SLC14A2: variants seen among roughly 807,000 people sequenced by gnomAD.
SLC14A2 encodes the protein urea transporter 2.
Under a neutral mutation model 104.6 loss-of-function variants are expected in SLC14A2, and 91 were observed. The observed-to-expected ratio is 0.87, with a 90% CI of 0.73 to 1.04. The LOEUF is 1.04. Among genes scored for constraint, SLC14A2 ranks in the 50% least tolerant of loss-of-function variants. The pLI is 0.00. For missense variants in SLC14A2, 1,189 were observed against 1,156.0 expected (o/e 1.03, Z -0.41); for synonymous variants, 476 against 466.4 (o/e 1.02, Z -0.27).
chr18:45,234,709 G>A lies in SLC14A2; in HGVS notation c.-125+21518G>A, dbSNP rs574382293. ...GTCCTTAATCTTCTGTGGGGAACCC[G>A]TTTTAATTCTCTACTGCCTTGTTGG... On this transcript the variant is annotated intron_variant, in intron 1 of 20. Transcript: ENST00000586448. Among the ~76,000 whole-genome samples the A allele has an allele frequency of 1.1e-3, 166 of 152,296 alleles. 1 individual carries two copies. The highest frequency in any genetic ancestry group is 2.1e-3 in the Non-Finnish European group (146 of 68,024).
intron 18 of SLC14A2, 102 bp downstream of exon 18, chr18:45,673,919 A>G (rs2046184430): frequency 2.5e-6 from 3 of 1,214,330 alleles, no homozygotes; most frequent in Non-Finnish European, 3.5e-6. Flanking sequence ...TAATAGATTA[A>G]ACACTATTTT....
intron 1 of SLC14A2, among the ~76,000 whole-genome samples, chr18:45,241,533 A>G (rs936793100): frequency 6.6e-6 from 1 of 152,114 alleles, no homozygotes; most frequent in Non-Finnish European, 1.5e-5. Flanking sequence ...ACAGAGGTGC[A>G]GCCTGAAAAC....
intron 1 of SLC14A2, among the ~76,000 whole-genome samples, chr18:45,475,249 T>C (rs1214121663): frequency 1.3e-5 from 2 of 151,420 alleles, no homozygotes; most frequent in Non-Finnish European, 3.0e-5. Flanking sequence ...GAGACAGTTA[T>C]GATTTCTGTT....
At position 45,236,730 on chromosome 18, in the gene SLC14A2, T is replaced by C. The variant is rs115892562; in HGVS notation, c.-125+23539T>C. Among the ~76,000 whole-genome samples the C allele has an allele frequency of 6.3e-3, 958 of 151,900 alleles. 18 individuals carry two copies. The highest frequency in any genetic ancestry group is 0.022 in the African/African-American group (906 of 41,328). On this transcript the variant is annotated intron_variant, in intron 1 of 20. Coordinates refer to the SLC14A2 transcript ENST00000586448. Reference sequence around the variant, plus strand: ...AATAGTGCTACAATAAACATAAGAGTACATATCTCTCTTAAACATTGTGAT... The same window carrying C: ...AATAGTGCTACAATAAACATAAGAGCACATATCTCTCTTAAACATTGTGAT...
chr18:45,304,968 CTTGCAGG>C (rs1476838287), intron 1 of SLC14A2, among the ~76,000 whole-genome samples: 6 of 152,146 alleles, frequency 3.9e-5, no homozygotes, highest in Non-Finnish European at 7.3e-5. Context: ...TTTCCTTGCC[CTTGCAGG>C]GCTTGTAAGA....
intron 1 of SLC14A2, among the ~76,000 whole-genome samples, chr18:45,387,637 A>C (rs1168535055): frequency 3.3e-5 from 5 of 152,226 alleles, no homozygotes; most frequent in African/African-American, 1.2e-4. Context: ...TGCTAGTAGA[A>C]ATTTCAGGTA....
rs1717883589 is a variant in SLC14A2 at position 45,624,500 on chromosome 18, G to A, written c.-34-131G>A. 1.1e-5 allele frequency: 6 copies of A among 537,610 alleles called. No individual in the cohort carries two copies. In the South Asian group the frequency reaches 1.9e-4, roughly 17 times the overall value. 33.3% of individuals were successfully genotyped at this position (537,610 alleles called of 1,614,324 possible). On this transcript the variant is annotated intron_variant, in intron 1 of 19. Transcript: ENST00000255226. ...GTAGAGAAATGTCCTCAACTCTACA[G>A]CACAAGCTGTAGATCCCACGTGTGT...
intron 1 of SLC14A2, among the ~76,000 whole-genome samples, chr18:45,480,419 C>T (rs2087469674): frequency 6.6e-6 from 1 of 152,150 alleles, no homozygotes; most frequent in Admixed American, 6.5e-5. Flanking sequence ...CACACCTGCC[C>T]GTGCCTGTCT....
At chr18:45,503,912 C>T (rs1185406881) in intron 2 of SLC14A2, among the ~76,000 whole-genome samples, 2 of 147,640 alleles carry the variant, frequency 1.4e-5, no homozygotes, top group Admixed American at 6.8e-5. Context: ...ATCAAAGATT[C>T]AGCTGACTTA....
At chr18:45,357,971 C>T (rs561661448) in intron 1 of SLC14A2, among the ~76,000 whole-genome samples, 6 of 152,260 alleles carry the variant, frequency 3.9e-5, no homozygotes, top group African/African-American at 1.2e-4. Context: ...CCATATAATT[C>T]CCCAATCAAG....
intron 5 of SLC14A2, among the ~76,000 whole-genome samples, chr18:45,632,970 C>T (rs2045369389): frequency 6.6e-6 from 1 of 152,228 alleles, no homozygotes; most frequent in South Asian, 2.1e-4. Flanking sequence ...AGCCACCATG[C>T]CCAGCCAGGA....
At chr18:45,669,610 A>G (rs1221041957) in intron 16 of SLC14A2, 112 bp downstream of exon 16, 4 of 843,262 alleles carry the variant, frequency 4.7e-6, no homozygotes, top group Non-Finnish European at 7.5e-6. Context: ...ACAATTACAC[A>G]GTACCAAGCA....
chr18:45,229,433 TA>T (rs74985216), intron 1 of SLC14A2, among the ~76,000 whole-genome samples: 201 of 151,044 alleles, frequency 1.3e-3, no homozygotes, highest in Non-Finnish European at 2.4e-3. Flanking sequence ...TTTGTTTGTT[TA>T]AAAAAAAAGC....
At chr18:45,548,928 G>A (rs186783173) in intron 2 of SLC14A2, among the ~76,000 whole-genome samples, 1 of 152,302 alleles carries the variant, frequency 6.6e-6, no homozygotes, top group African/African-American at 2.4e-5. Flanking sequence ...GCATGTTGGA[G>A]CATCTGCAGC....
At chr18:45,493,483 C>T (rs1455530697) in intron 2 of SLC14A2, among the ~76,000 whole-genome samples, 1 of 152,200 alleles carries the variant, frequency 6.6e-6, no homozygotes, top group Non-Finnish European at 1.5e-5. Flanking sequence ...ATAACAACAG[C>T]ATTATCTAAT....
intron 1 of SLC14A2, among the ~76,000 whole-genome samples, chr18:45,410,553 G>A (rs2086204004): frequency 6.6e-6 from 1 of 151,804 alleles, no homozygotes; most frequent in Non-Finnish European, 1.5e-5. Context: ...CTGTTTATTG[G>A]GCACTCACTA....
At chr18:45,174,129 A>C in the SLC14A2 span, among the ~76,000 whole-genome samples, 1 of 151,844 alleles carries the variant, frequency 6.6e-6, no homozygotes, top group African/African-American at 2.4e-5. Context: ...TGGGCTCATC[A>C]TTTCTATTTT....
intron 1 of SLC14A2, among the ~76,000 whole-genome samples, chr18:45,465,829 G>C (rs557488542): frequency 1.3e-5 from 2 of 152,262 alleles, no homozygotes; most frequent in African/African-American, 4.8e-5. Flanking sequence ...GGGCATGGAT[G>C]CGTTGGAAAC....
upstream of SLC14A2, among the ~76,000 whole-genome samples, chr18:45,613,374 G>A (rs920558417): frequency 2.8e-4 from 43 of 152,212 alleles, no homozygotes; most frequent in Non-Finnish European, 4.3e-4. Flanking sequence ...TTGGTACCAA[G>A]ATAGTGGGAC....
Sources: gnomAD v4.1 joint callset for allele counts (sites outside exome capture counted in the v4.1 genomes callset) on GRCh38, gnomAD v4.1.1 for gene constraint, MANE v1.5 for transcripts, NCBI Gene and HGNC (gene_info 2026-07-23, HGNC 2026-07-21) for gene names.